TMEM175: variants seen among roughly 807,000 people sequenced by gnomAD.
The protein encoded by TMEM175 is endosomal/lysosomal proton channel TMEM175.
Under a neutral mutation model 36.5 loss-of-function variants are expected in TMEM175, and 36 were observed. The observed-to-expected ratio is 0.99, with a 90% CI of 0.76 to 1.30. The LOEUF (loss-of-function observed/expected upper bound fraction) is 1.30. Among genes scored for constraint, TMEM175 ranks in the 50% most tolerant of loss-of-function variants. TMEM175 has a pLI of 0.00. For synonymous variants in TMEM175, 339 were observed against 313.4 expected (o/e 1.08, Z -0.86); for missense variants, 705 against 692.8 (o/e 1.02, Z -0.20).
At chr4:955,304 C>T (rs910236700) in intron 8 of TMEM175, 101 bp from the exon 9 acceptor site, 2 of 864,184 alleles carry the variant, frequency 2.3e-6, no homozygotes, top group African/African-American at 1.7e-5. Context: ...AAAGACCCTC[C>T]CTTCTGCCGC....
chr4:941,376 C>CAAAAAAAAAAAAAA (rs567941043), intron 1 of TMEM175, among the ~76,000 whole-genome samples: 1 of 104,866 alleles, frequency 9.5e-6, no homozygotes, highest in Non-Finnish European at 1.9e-5. Context: ...AACTCTGTCT[C>CAAAAAAAAAAAAAA]AAAAAAAAAA....
chr4:951,048 C>T (rs555562186), intron 4 of TMEM175, among the ~76,000 whole-genome samples, 159 bp from the exon 5 acceptor site: 25 of 152,020 alleles, frequency 1.6e-4, no homozygotes, highest in Admixed American at 9.8e-4. Context: ...TCATTTCCTT[C>T]GTGTTTTCCA....
In TMEM175 at chr4:957,900, G is replaced by A. The variant is rs146282263; in HGVS notation, c.919G>A (p.Gly307Arg). 1.8e-5 allele frequency: 29 copies of A among 1,612,726 alleles called. No individual in the cohort carries two copies. The highest frequency in any genetic ancestry group is 1.7e-4 in the African/African-American group (13 of 74,938). ...GSLVAALSAT[G>R]PRFLAYFGSF... ...CCTCGTGGCCGCCCTGAGTGCGACC[G>A]GGCCGCGCTTCCTGGCGTACTTCGG... Residue 307 changes from glycine (G) to arginine (R), a missense_variant, in exon 11 of 11, where the codon GGG becomes AGG. Gly to Arg is a moderately radical substitution (Grantham distance 125). Coordinates refer to ENST00000264771, the MANE Select transcript of TMEM175 (RefSeq NM_032326.4).
At chr4:946,431 C>G (rs1052827202) in intron 1 of TMEM175, among the ~76,000 whole-genome samples, 1 of 152,162 alleles carries the variant, frequency 6.6e-6, no homozygotes, top group East Asian at 1.9e-4. Context: ...CTGGTTGGCA[C>G]GAGGCTGCCC....
chr4:939,044 C>T (rs576772033), intron 1 of TMEM175, among the ~76,000 whole-genome samples: 85 of 152,316 alleles, frequency 5.6e-4, no homozygotes, highest in South Asian at 2.3e-3. Flanking sequence ...TGCCTGTAGT[C>T]GCAGCAACTC....
chr4:952,474 C>CTGTG lies in TMEM175; in HGVS notation c.462+65_462+68dup, dbSNP rs3066989. ...AGGTAGGGGGCCTGGGGGGCCTGCA[C>CTGTG]TGTGTGTGTGTGTGTGTGTGTGTGT... On this transcript the variant is annotated intron_variant, in intron 7 of 10. Coordinates refer to ENST00000264771, the MANE Select transcript of TMEM175 (RefSeq NM_032326.4). The CTGTG allele has an allele frequency of 9.5e-4, 957 of 1,007,696 alleles. 1 individual carries two copies. Among genetic ancestry groups the CTGTG allele is most frequent in the African/African-American group, 6.0e-3 (234 of 38,898 alleles). 62.4% of individuals were successfully genotyped at this position (1,007,696 alleles called of 1,614,324 possible).
Position 958,419 on chromosome 4 carries a change from G to A in TMEM175, c.1438G>A (p.Ala480Thr), listed in dbSNP as rs375719692. 24 of 1,596,688 alleles carry A rather than the reference G, an allele frequency of 1.5e-5. No individual in the cohort carries two copies. Among genetic ancestry groups the A allele is most frequent in the Middle Eastern group, 3.3e-4 (2 of 5,992 alleles). ...LATLRVLRGL[A>T]RPEHPPPAPT... ...CACCCTGCGGGTCCTGCGGGGCCTC[G>A]CCCGGCCCGAACACCCCCCGCCAGC... The change falls in exon 11 of 11, where the codon GCC becomes ACC. Residue 480 changes from alanine to threonine, a missense_variant. Transcript: ENST00000264771.
At chr4:956,637 T>G (rs774718115) in intron 10 of TMEM175, 109 of 423,428 alleles carry the variant, frequency 2.6e-4, no homozygotes, top group Middle Eastern at 8.9e-4. Context: ...AGAGATGAGG[T>G]TTCACCAAGT....
chr4:938,164 A>T (rs1727018584), intron 1 of TMEM175, among the ~76,000 whole-genome samples: 2 of 152,212 alleles, frequency 1.3e-5, no homozygotes, highest in South Asian at 4.1e-4. Flanking sequence ...CACCACTTCT[A>T]TTCAGCATTG....
Position 957,896 on chromosome 4 carries a change from G to A in TMEM175, c.915G>A (p.Ala305=), listed in dbSNP as rs141810982. Residue 305 remains alanine, a synonymous_variant, in exon 11 of 11, where the codon GCG becomes GCA. Coordinates refer to ENST00000264771, the MANE Select transcript of TMEM175 (RefSeq NM_032326.4). Reference sequence around the variant, plus strand: ...GCAGCCTCGTGGCCGCCCTGAGTGCGACCGGGCCGCGCTTCCTGGCGTACT... The same window carrying A: ...GCAGCCTCGTGGCCGCCCTGAGTGCAACCGGGCCGCGCTTCCTGGCGTACT... ...FSGSLVAALS[A]TGPRFLAYFG... The A allele has an allele frequency of 1.8e-3, 2,889 of 1,612,812 alleles. 15 individuals are homozygous for A. The highest frequency in any genetic ancestry group is 1.7e-3 in the Middle Eastern group (10 of 6,060).
intron 1 of TMEM175, among the ~76,000 whole-genome samples, chr4:939,693 G>C (rs1227777722): frequency 6.6e-6 from 1 of 152,190 alleles, no homozygotes; most frequent in African/African-American, 2.4e-5. Context: ...TCCAGCCTGA[G>C]TGACAGAGTG....
chr4:952,507 TG>T, intron 7 of TMEM175, 57 bp downstream of exon 7: 1 of 1,379,418 alleles, frequency 7.2e-7, no homozygotes, highest in Middle Eastern at 2.6e-4. Context: ...TGTGTGTGTG[TG>T]TGTGTGTGTG....
intron 10 of TMEM175, chr4:956,361 T>A: frequency 7.7e-7 from 1 of 1,290,834 alleles, no homozygotes; most frequent in Non-Finnish European, 1.0e-6. Flanking sequence ...TTCCAGCGTC[T>A]GCTCCTCCGC....
chr4:940,875 G>A (rs573792377), intron 1 of TMEM175, among the ~76,000 whole-genome samples: 15 of 150,876 alleles, frequency 9.9e-5, no homozygotes, highest in Admixed American at 4.6e-4. Context: ...GCGTGGTGGC[G>A]TGTGCCTGTA....
chr4:939,989 A>G (rs1326755596), intron 1 of TMEM175, among the ~76,000 whole-genome samples: 1 of 152,240 alleles, frequency 6.6e-6, no homozygotes, highest in Non-Finnish European at 1.5e-5. Flanking sequence ...AGTCCATAAC[A>G]TAGGGTAGCA....
At position 932,516 on chromosome 4, in the gene TMEM175, A is replaced by C; in HGVS notation, c.-56A>C. The C allele has an allele frequency of 2.2e-6, 1 of 461,808 alleles. No homozygotes were observed. The highest frequency in any genetic ancestry group is 3.8e-6 in the Non-Finnish European group (1 of 265,974). 28.6% of individuals were successfully genotyped at this position (461,808 alleles called of 1,614,324 possible). A position where few individuals can be genotyped will look rare whatever the true frequency, so the allele number is the denominator to read the frequency against. On this transcript the variant is annotated 5_prime_UTR_variant, in exon 1 of 11. Transcript: ENST00000264771. This position sits in a 1 kb window ranked among gnomAD's most constrained non-coding sequence, Gnocchi z 4.0. Reference sequence around the variant, plus strand: ...TGACTCAAGCGGAGGCGCGCGGAACAGTCGCCGAGGCGATTCCCGCCCAGG... The same window carrying C: ...TGACTCAAGCGGAGGCGCGCGGAACCGTCGCCGAGGCGATTCCCGCCCAGG...
In TMEM175 at chr4:952,418, T is replaced by C. The variant is rs1729008682; in HGVS notation, c.430T>C (p.Cys144Arg). The C allele has an allele frequency of 6.3e-7, 1 of 1,598,470 alleles. No individual in the cohort carries two copies. ...PDVPLGIFLFCVCVIAIGVVQ... is the reference protein window; with the variant it reads ...PDVPLGIFLFRVCVIAIGVVQ... ...TGTGCCTCTGGGCATCTTCTTGTTCTGTGTGTGTGTGATCGCCATTGGGGT... is the reference window on the plus strand; with the variant it reads ...TGTGCCTCTGGGCATCTTCTTGTTCCGTGTGTGTGTGATCGCCATTGGGGT... The change falls in exon 7 of 11, where the codon TGT (cysteine) becomes CGT (arginine). Residue 144 changes from cysteine (C) to arginine (R), a missense_variant. Transcript: ENST00000264771.
At chr4:946,556 A>G (rs1288977639) in intron 1 of TMEM175, among the ~76,000 whole-genome samples, 2 of 152,158 alleles carry the variant, frequency 1.3e-5, no homozygotes, top group African/African-American at 4.8e-5. Flanking sequence ...CCATGCAGCA[A>G]TGGCTCCTGC....
At chr4:952,589 G>GTA in intron 7 of TMEM175, 139 bp downstream of exon 7, 2 of 698,238 alleles carry the variant, frequency 2.9e-6, no homozygotes, top group South Asian at 1.7e-5. Context: ...GTGTGTGTGT[G>GTA]TGTTCACCAT....
Sources: allele counts gnomAD v4.1 joint callset (sites outside exome capture counted in the v4.1 genomes callset), GRCh38; gene constraint gnomAD v4.1.1; non-coding constraint Gnocchi (gnomAD v3.1); transcripts MANE v1.5; gene names NCBI Gene and HGNC (gene_info 2026-07-23, HGNC 2026-07-21).